The following DHX33 variants were observed in gnomAD, a reference collection of about 807,000 sequenced individuals.
The protein encoded by DHX33 is DEAH-box helicase 33, also known as ATP-dependent RNA helicase DHX33.
DHX33 carries 42 observed loss-of-function variants against 72.5 expected under a neutral mutation model. The ratio of observed to expected loss-of-function variants is 0.58; its 90% CI spans 0.45 to 0.75. The LOEUF (loss-of-function observed/expected upper bound fraction) is 0.75, where lower values mean the gene tolerates loss of function less well. Among genes scored for constraint, DHX33 ranks in the 30% least tolerant of loss-of-function variants. The probability of loss-of-function intolerance (pLI) is 0.00; values close to 1 mark genes in which losing one functional copy is unlikely to be tolerated. For missense variants in DHX33, 842 were observed against 917.5 expected (o/e 0.92, Z 1.06); for synonymous variants, 358 against 366.1 (o/e 0.98, Z 0.25).
chr17:5,451,812 A>G (rs1416053698), intron 8 of DHX33, among the ~76,000 whole-genome samples: 7 of 152,198 alleles, frequency 4.6e-5, no homozygotes, highest in Non-Finnish European at 1.0e-4. Flanking sequence ...TTAAAGCAAT[A>G]TTTATCAACT....
intron 4 of DHX33, among the ~76,000 whole-genome samples, chr17:5,457,039 G>A (rs1206653967): frequency 1.3e-5 from 2 of 152,208 alleles, no homozygotes; most frequent in Non-Finnish European, 2.9e-5. Flanking sequence ...ACATTAATTT[G>A]TTTGATGTAA....
intron 4 of DHX33, among the ~76,000 whole-genome samples, chr17:5,458,571 G>A (rs1296044345): frequency 6.6e-6 from 1 of 152,076 alleles, no homozygotes; most frequent in Non-Finnish European, 1.5e-5. Context: ...AACACAGCAA[G>A]ATCCTGCCTC....
chr17:5,464,062 A>G (rs1904762237), intron 1 of DHX33, among the ~76,000 whole-genome samples: 1 of 152,136 alleles, frequency 6.6e-6, no homozygotes, highest in African/African-American at 2.4e-5. Flanking sequence ...TCGGCTGGGC[A>G]CAGTGGCTCA....
At chr17:5,447,565 G>A (rs140040111) in intron 11 of DHX33, among the ~76,000 whole-genome samples, 10,409 of 151,578 alleles carry the variant, frequency 0.069, 381 homozygotes, top group Middle Eastern at 0.097. Context: ...CAGAGGTTGT[G>A]GTGAGCCAAG....
intron 11 of DHX33, among the ~76,000 whole-genome samples, chr17:5,445,518 T>G (rs2151681848): frequency 6.6e-6 from 1 of 152,370 alleles, no homozygotes; most frequent in East Asian, 1.9e-4. Flanking sequence ...AGAGGAAATG[T>G]CAGTCACCAG....
At chr17:5,452,940 AG>A (rs953442808) in intron 8 of DHX33, among the ~76,000 whole-genome samples, 2 of 151,998 alleles carry the variant, frequency 1.3e-5, no homozygotes, top group African/African-American at 4.8e-5. Flanking sequence ...TCTTAAGAAA[AG>A]GGGGGGCAAT....
chr17:5,466,513 C>A (rs1196784567), intron 1 of DHX33, among the ~76,000 whole-genome samples: 2 of 152,190 alleles, frequency 1.3e-5, no homozygotes, highest in Non-Finnish European at 2.9e-5. Flanking sequence ...CTGTTACCCA[C>A]ACAGCTTTGT....
chr17:5,459,389 T>A (rs1462086079), intron 4 of DHX33, among the ~76,000 whole-genome samples: 1 of 150,316 alleles, frequency 6.7e-6, no homozygotes, highest in Non-Finnish European at 1.5e-5. Context: ...TAATATAGTT[T>A]AAAAAAAAAA....
intron 11 of DHX33, among the ~76,000 whole-genome samples, chr17:5,445,717 C>A (rs762664674): frequency 2.6e-5 from 4 of 152,128 alleles, no homozygotes; most frequent in African/African-American, 4.8e-5. Context: ...AGGGGCCATG[C>A]AGAGAAATCA....
chr17:5,451,079 A>G (rs1916886567), intron 8 of DHX33, 145 bp from the exon 9 acceptor site: 1 of 878,774 alleles, frequency 1.1e-6, no homozygotes, highest in Admixed American at 2.8e-5. Context: ...CACACTTGTC[A>G]AAGAACGACA....
chr17:5,465,413 C>T (rs1904835752), intron 1 of DHX33, among the ~76,000 whole-genome samples: 1 of 152,220 alleles, frequency 6.6e-6, no homozygotes, highest in Non-Finnish European at 1.5e-5. Flanking sequence ...TTTCATGCTC[C>T]TATACCAGGG....
intron 1 of DHX33, 60 bp from the exon 2 acceptor site, chr17:5,463,749 C>T: frequency 6.7e-7 from 1 of 1,493,752 alleles, no homozygotes; most frequent in Non-Finnish European, 8.9e-7. Context: ...GGCTCGGCAC[C>T]AGGGCTGGCA....
rs1334685972 is a variant in DHX33 at position 5,461,086 on chromosome 17, C to T, written c.702G>A (p.Met234Ile). The T allele has an allele frequency of 6.2e-7, 1 of 1,610,566 alleles. No individual in the cohort carries two copies. The highest frequency in any genetic ancestry group is 1.3e-5 in the African/African-American group (1 of 74,886). Residue 234 changes from methionine to isoleucine, a missense_variant, in exon 4 of 12, where the codon ATG becomes ATA. Coordinates refer to ENST00000225296, the MANE Select transcript of DHX33 (RefSeq NM_020162.4). ...PLKVIVMSATMDVDLFSQYFN... is the reference protein window; with the variant it reads ...PLKVIVMSATIDVDLFSQYFN... Reference sequence around the variant, plus strand: ...AATACTGAGAGAACAGGTCCACATCCATCGTAGCTGACATCACAATCACCT... The same window carrying T: ...AATACTGAGAGAACAGGTCCACATCTATCGTAGCTGACATCACAATCACCT...
chr17:5,465,129 T>A (rs1904819430), intron 1 of DHX33, among the ~76,000 whole-genome samples: 1 of 152,102 alleles, frequency 6.6e-6, no homozygotes, highest in Non-Finnish European at 1.5e-5. Flanking sequence ...CTTCCTACCC[T>A]GTGTGAATTC....
chr17:5,468,664 C>T lies in DHX33; in HGVS notation c.196G>A (p.Ala66Thr), dbSNP rs1252808149. ...AQPSASPYPE[A>T]VELQRRSLPI... is the part of the protein sequence containing the mutation. ...AGACTCCGGCGCTGCAGCTCCACAG[C>T]TTCAGGGTAGGGACTGGCCGAGGGC... The change falls in exon 1 of 12, where the codon GCT becomes ACT. Residue 66 changes from alanine (A) to threonine (T), a missense_variant. By Grantham distance (58) the Ala-to-Thr change is moderately conservative. Coordinates refer to ENST00000225296, the MANE Select transcript of DHX33 (RefSeq NM_020162.4). 6 of 1,612,702 alleles carry T rather than the reference C, an allele frequency of 3.7e-6. No individual in the cohort carries two copies. In the Admixed American group the frequency reaches 5.0e-5, roughly 13 times the overall value.
At chr17:5,463,423 A>C (rs1597364660) in intron 2 of DHX33, 106 bp downstream of exon 2, 1 of 1,174,588 alleles carries the variant, frequency 8.5e-7, no homozygotes, top group Non-Finnish European at 1.2e-6. Flanking sequence ...GCAAGAAAGC[A>C]GCTCACTATG....
At chr17:5,454,390 T>G (rs1917099175) in intron 6 of DHX33, among the ~76,000 whole-genome samples, 1 of 152,184 alleles carries the variant, frequency 6.6e-6, no homozygotes, top group South Asian at 2.1e-4. Context: ...AATCAATGAC[T>G]ACGAAATTAA....
At chr17:5,456,477 T>C (rs1183147759) in intron 4 of DHX33, among the ~76,000 whole-genome samples, 1 of 152,022 alleles carries the variant, frequency 6.6e-6, no homozygotes, top group Non-Finnish European at 1.5e-5. Context: ...CAAGATCCCA[T>C]CTCTACAAAA....
intron 5 of DHX33, 60 bp downstream of exon 5, chr17:5,455,937 C>T (rs1359799627): frequency 2.1e-5 from 33 of 1,537,974 alleles, no homozygotes; most frequent in African/African-American, 4.1e-5. Flanking sequence ...GTACAGACCT[C>T]GCTGGTGGAT....
Sources: gnomAD v4.1 joint callset for allele counts (sites outside exome capture counted in the v4.1 genomes callset) on GRCh38, gnomAD v4.1.1 for gene constraint, MANE v1.5 for transcripts, NCBI Gene and HGNC (gene_info 2026-07-23, HGNC 2026-07-21) for gene names.